EPHB1: variants seen among roughly 807,000 people sequenced by gnomAD.
EPHB1 encodes the protein EPH receptor B1.
In EPHB1, 30 loss-of-function variants were observed where a neutral mutation model predicts 94.4. The ratio of observed to expected loss-of-function variants is 0.32; its 90% CI spans 0.24 to 0.43. The LOEUF (loss-of-function observed/expected upper bound fraction) is 0.43, where lower values mean the gene tolerates loss of function less well. EPHB1 is among the 20% of genes least tolerant of loss of function. The probability of loss-of-function intolerance (pLI) is 1.00; values close to 1 mark genes in which losing one functional copy is unlikely to be tolerated. For missense variants in EPHB1, 1,055 were observed against 1,308.3 expected (o/e 0.81, Z 2.99); for synonymous variants, 522 against 489.1 (o/e 1.07, Z -0.89).
intron 1 of EPHB1, among the ~76,000 whole-genome samples, chr3:134,863,126 C>A (rs1323892651): frequency 1.3e-5 from 2 of 152,212 alleles, no homozygotes; most frequent in Non-Finnish European, 2.9e-5. Flanking sequence ...ACACACTGTG[C>A]ACACTGCCTC....
intron 1 of EPHB1, among the ~76,000 whole-genome samples, chr3:134,813,096 G>A (rs2036207357): frequency 6.6e-6 from 1 of 152,172 alleles, no homozygotes; most frequent in Admixed American, 6.5e-5. Context: ...GTGGGGAAGA[G>A]TGGGCCATGA....
chr3:134,818,938 G>A (rs1000110005), intron 1 of EPHB1, among the ~76,000 whole-genome samples: 2 of 152,300 alleles, frequency 1.3e-5, no homozygotes, highest in East Asian at 1.9e-4. Flanking sequence ...GTGTTTCGAG[G>A]TGAGCAGAGA....
At chr3:135,056,312 A>G (rs1027638495) in intron 3 of EPHB1, among the ~76,000 whole-genome samples, 2 of 152,174 alleles carry the variant, frequency 1.3e-5, no homozygotes, top group Non-Finnish European at 2.9e-5. Flanking sequence ...GCCAGGCCGC[A>G]TCATCTCTCC....
chr3:134,821,105 G>A (rs2036372029), intron 1 of EPHB1, among the ~76,000 whole-genome samples: 1 of 152,184 alleles, frequency 6.6e-6, no homozygotes, highest in Admixed American at 6.5e-5. Context: ...CAATGTTTCA[G>A]TTTGAATCCA....
At chr3:135,182,907 T>C (rs1300323877) in intron 10 of EPHB1, among the ~76,000 whole-genome samples, 1 of 152,152 alleles carries the variant, frequency 6.6e-6, no homozygotes, top group Non-Finnish European at 1.5e-5. Context: ...ATTTACATCA[T>C]GGGAATGGGC....
intron 1 of EPHB1, among the ~76,000 whole-genome samples, chr3:134,909,869 T>G (rs2038415329): frequency 6.6e-6 from 1 of 152,158 alleles, no homozygotes; most frequent in African/African-American, 2.4e-5. Context: ...TGCCCAGTGT[T>G]AGGAGACCAG....
At chr3:134,942,478 G>A (rs1208650594) in intron 2 of EPHB1, among the ~76,000 whole-genome samples, 13 of 152,206 alleles carry the variant, frequency 8.5e-5, no homozygotes, top group Admixed American at 8.5e-4. Flanking sequence ...AATGGAGAGG[G>A]CAGAGTCTAG....
chr3:134,810,407 C>A (rs928772409), intron 1 of EPHB1, among the ~76,000 whole-genome samples: 1 of 151,936 alleles, frequency 6.6e-6, no homozygotes, highest in Non-Finnish European at 1.5e-5. Context: ...TTAACAGCAC[C>A]AGGCCTCCAC....
chr3:135,008,833 G>T (rs1360566805), intron 3 of EPHB1, among the ~76,000 whole-genome samples: 5 of 152,178 alleles, frequency 3.3e-5, no homozygotes, highest in African/African-American at 4.8e-5. Context: ...GGAAAGATGA[G>T]GCTGACCCAA....
intron 3 of EPHB1, among the ~76,000 whole-genome samples, chr3:134,983,785 C>T (rs142329522): frequency 3.0e-4 from 46 of 152,312 alleles, no homozygotes; most frequent in Admixed American, 1.8e-3. Flanking sequence ...CTCCTTAGAC[C>T]CTTTGCATAG....
chr3:135,251,324 G>A lies in EPHB1; in HGVS notation c.2846+1833G>A, dbSNP rs576185060. On this transcript the variant is annotated intron_variant, in intron 15 of 15. Coordinates refer to ENST00000398015, the MANE Select transcript of EPHB1 (RefSeq NM_004441.5). ...ATTGATGCCCCTAGATAATCAGAGG[G>A]ACTGAGTTCAGGGATAGAAATGGGT... Among the ~76,000 whole-genome samples, 9 of 152,238 alleles carry A rather than the reference G, an allele frequency of 5.9e-5. No homozygotes were observed. In the South Asian group the frequency reaches 1.7e-3, roughly 28 times the overall value.
chr3:134,959,918 G>C (rs1002653814), intron 3 of EPHB1, among the ~76,000 whole-genome samples: 2 of 139,444 alleles, frequency 1.4e-5, no homozygotes, highest in Non-Finnish European at 3.0e-5. Context: ...ATCTCTTGCT[G>C]TGGCTGGACA....
At chr3:135,027,592 T>C (rs1170598942) in intron 3 of EPHB1, among the ~76,000 whole-genome samples, 1 of 151,266 alleles carries the variant, frequency 6.6e-6, no homozygotes, top group Non-Finnish European at 1.5e-5. Context: ...ATAAGCTTTT[T>C]GATGTGCTGC....
At chr3:135,005,819 G>A (rs533250657) in intron 3 of EPHB1, among the ~76,000 whole-genome samples, 28 of 152,210 alleles carry the variant, frequency 1.8e-4, no homozygotes, top group East Asian at 7.7e-4. Flanking sequence ...GCTTCGGCTC[G>A]CGCACGGTGC....
intron 3 of EPHB1, chr3:134,978,101 A>C: frequency 2.4e-6 from 1 of 415,264 alleles, no homozygotes; most frequent in Non-Finnish European, 4.7e-6. Context: ...GGAGCCTCAA[A>C]AATGGAAGAT....
intron 1 of EPHB1, among the ~76,000 whole-genome samples, chr3:134,833,278 C>T (rs2036609995): frequency 1.3e-5 from 2 of 152,176 alleles, no homozygotes; most frequent in East Asian, 1.9e-4. Flanking sequence ...GTGACCCTGC[C>T]CCCGTCCCCA....
intron 1 of EPHB1, among the ~76,000 whole-genome samples, chr3:134,802,678 A>G (rs1409096584): frequency 6.6e-6 from 1 of 152,210 alleles, no homozygotes; most frequent in Admixed American, 6.5e-5. Flanking sequence ...CACTGGTACC[A>G]TGTAGCATTA....
chr3:134,925,075 G>A (rs753486677), intron 1 of EPHB1, among the ~76,000 whole-genome samples: 10 of 152,150 alleles, frequency 6.6e-5, no homozygotes, highest in African/African-American at 9.7e-5. Flanking sequence ...TATCCCTGAC[G>A]GCTCCTAGGA....
chr3:134,862,869 T>G (rs1365630776), intron 1 of EPHB1, among the ~76,000 whole-genome samples: 1 of 152,236 alleles, frequency 6.6e-6, no homozygotes, highest in African/African-American at 2.4e-5. Context: ...TAAGAAAGAC[T>G]GTACGTCACA....
Sources: gnomAD v4.1 joint callset for allele counts (sites outside exome capture counted in the v4.1 genomes callset) on GRCh38, gnomAD v4.1.1 for gene constraint, MANE v1.5 for transcripts, NCBI Gene and HGNC (gene_info 2026-07-23, HGNC 2026-07-21) for gene names.